SETDB2: variants seen among roughly 807,000 people sequenced by gnomAD.
The protein encoded by SETDB2 is SET domain bifurcated histone lysine methyltransferase 2.
SETDB2 carries 56 observed loss-of-function variants against 82.5 expected under a neutral mutation model. The ratio of observed to expected loss-of-function variants is 0.68; its 90% CI spans 0.55 to 0.85. SETDB2 has a LOEUF of 0.85. Ranked by LOEUF, SETDB2 falls within the 40% of genes least tolerant of loss-of-function variation. The pLI is 0.00. For missense variants in SETDB2, 677 were observed against 816.4 expected (o/e 0.83, Z 2.08); for synonymous variants, 272 against 284.9 (o/e 0.95, Z 0.46).
At chr13:49,449,595 A>G (rs868283983) in intron 1 of SETDB2, among the ~76,000 whole-genome samples, 6 of 151,974 alleles carry the variant, frequency 3.9e-5, no homozygotes, top group Admixed American at 2.6e-4. Context: ...TTAACTTTAC[A>G]TTTCACAGTT....
intron 8 of SETDB2, chr13:49,482,185 A>G (rs936980409): frequency 2.0e-6 from 2 of 985,344 alleles, no homozygotes; most frequent in Non-Finnish European, 2.4e-6. Context: ...TATGTCTCCG[A>G]TCTAACAATG....
At chr13:49,451,209 A>G (rs1318566656) in intron 1 of SETDB2, among the ~76,000 whole-genome samples, 1 of 151,120 alleles carries the variant, frequency 6.6e-6, no homozygotes, top group Non-Finnish European at 1.5e-5. Context: ...GGCACATTAT[A>G]TGTAATTAAG....
At chr13:49,458,157 C>T (rs7991226) in intron 2 of SETDB2, among the ~76,000 whole-genome samples, 79,320 of 152,018 alleles carry the variant, frequency 0.52, 20,823 homozygotes, top group Middle Eastern at 0.57. Flanking sequence ...TCCTTTTGTT[C>T]ACTGCAGCCT....
Position 49,481,057 on chromosome 13 carries a change from G to A in SETDB2, c.1097G>A (p.Gly366Glu). 1 of 1,614,180 alleles carries A rather than the reference G, an allele frequency of 6.2e-7. No individual in the cohort carries two copies. The highest frequency in any genetic ancestry group is 1.1e-5 in the South Asian group (1 of 91,084). ...CAGGTGTTCAAAACTGAGCAGAAGG[G>A]ATGGGGTGTACGCTGTCTAGATGAC... ...RLQVFKTEQK[G>E]WGVRCLDDID... Residue 366 changes from glycine (G) to glutamate (E), a missense_variant, in exon 8 of 14, where the codon GGA (glycine) becomes GAA (glutamate). By Grantham distance (98) the Gly-to-Glu change is moderately conservative. This residue lies in a region of SETDB2 where 420 missense variants were observed against 554.6 expected (regional missense o/e 0.76). Coordinates refer to ENST00000611815, the MANE Select transcript of SETDB2 (RefSeq NM_001160308.3).
At chr13:49,491,262 G>A (rs1265415472) in intron 13 of SETDB2, among the ~76,000 whole-genome samples, 1 of 152,194 alleles carries the variant, frequency 6.6e-6, no homozygotes, top group Non-Finnish European at 1.5e-5. Flanking sequence ...ATCTGGTACT[G>A]TAGAATATTC....
At chr13:49,486,568 T>C (rs77314781) in intron 11 of SETDB2, among the ~76,000 whole-genome samples, 1,698 of 152,320 alleles carry the variant, frequency 0.011, 11 homozygotes, top group Middle Eastern at 0.034. Context: ...GTCCGTGGCT[T>C]TGGAACCATT....
chr13:49,463,150 C>T (rs769775905), intron 4 of SETDB2, among the ~76,000 whole-genome samples: 4 of 148,364 alleles, frequency 2.7e-5, no homozygotes, highest in African/African-American at 5.0e-5. Flanking sequence ...GGACTACGGG[C>T]GCATGCCGCC....
At chr13:49,465,718 G>T (rs568399639) in intron 4 of SETDB2, among the ~76,000 whole-genome samples, 1 of 152,094 alleles carries the variant, frequency 6.6e-6, no homozygotes, top group African/African-American at 2.4e-5. Flanking sequence ...TGTGTTTTTA[G>T]TGGAGACAGG....
intron 13 of SETDB2, among the ~76,000 whole-genome samples, chr13:49,491,326 C>T (rs1958707934): frequency 6.6e-6 from 1 of 152,176 alleles, no homozygotes; most frequent in Admixed American, 6.5e-5. Context: ...GAAATTTTGA[C>T]TCTTATTCCC....
At chr13:49,468,371 T>G (rs991696179) in intron 5 of SETDB2, among the ~76,000 whole-genome samples, 1 of 152,094 alleles carries the variant, frequency 6.6e-6, no homozygotes, top group Non-Finnish European at 1.5e-5. Flanking sequence ...TTTATGGGAA[T>G]AGACTAAATT....
chr13:49,451,102 A>G (rs1285652140), intron 1 of SETDB2, among the ~76,000 whole-genome samples: 1 of 151,456 alleles, frequency 6.6e-6, no homozygotes, highest in Non-Finnish European at 1.5e-5. Context: ...AAAGATTATA[A>G]AAAATTAAAT....
intron 1 of SETDB2, among the ~76,000 whole-genome samples, chr13:49,450,046 G>C (rs936356156): frequency 1.3e-5 from 2 of 152,132 alleles, no homozygotes; most frequent in Non-Finnish European, 2.9e-5. Context: ...TTTCTGATGA[G>C]AAATCTCATT....
In SETDB2 at chr13:49,476,648, C is replaced by T; in HGVS notation, c.478C>T (p.His160Tyr). 2 of 1,614,170 alleles carry T rather than the reference C, an allele frequency of 1.2e-6. No individual in the cohort carries two copies. Among genetic ancestry groups the T allele is most frequent in the Non-Finnish European group, 1.7e-6 (2 of 1,180,034 alleles). ...ENPLQLPIKCHFQRRHAKTNS... is the reference protein window; with the variant it reads ...ENPLQLPIKCYFQRRHAKTNS... Reference sequence around the variant, plus strand: ...CCCTCTGCAGCTGCCAATCAAATGTCACTTCCAAAGACGACATGCAAAGAC... The same window carrying T: ...CCCTCTGCAGCTGCCAATCAAATGTTACTTCCAAAGACGACATGCAAAGAC... Residue 160 changes from histidine to tyrosine, a missense_variant, in exon 6 of 14, where the codon CAC becomes TAC. Coordinates refer to ENST00000611815, the MANE Select transcript of SETDB2 (RefSeq NM_001160308.3).
At chr13:49,460,329 T>A in intron 3 of SETDB2, 97 bp downstream of exon 3, 1 of 1,241,750 alleles carries the variant, frequency 8.1e-7, no homozygotes, top group Non-Finnish European at 1.1e-6. Context: ...TTTGTAAAAG[T>A]AGATGGATGT....
chr13:49,451,651 A>G lies in SETDB2; in HGVS notation c.-243A>G, dbSNP rs1159195501. 3 of 348,698 alleles carry G rather than the reference A, an allele frequency of 8.6e-6. No homozygotes were observed. The highest frequency in any genetic ancestry group is 1.6e-5 in the Non-Finnish European group (3 of 191,494). The allele number at this position is 348,698 out of a possible 1,614,324, so 21.6% of individuals were successfully genotyped here. A position where few individuals can be genotyped will look rare whatever the true frequency, so the allele number is the denominator to read the frequency against. On this transcript the variant is annotated 5_prime_UTR_variant, in exon 2 of 14. Coordinates refer to ENST00000611815, the MANE Select transcript of SETDB2 (RefSeq NM_001160308.3). ...TACCACTACAAATATTTACGTGAGA[A>G]GATTCATGGACTTGTCTTTTGGTTG...
At chr13:49,471,525 G>C (rs1331390588) in intron 5 of SETDB2, among the ~76,000 whole-genome samples, 1 of 150,966 alleles carries the variant, frequency 6.6e-6, no homozygotes, top group African/African-American at 2.4e-5. Flanking sequence ...TACGAGGTGT[G>C]CAGCTTTGGT....
intron 2 of SETDB2, among the ~76,000 whole-genome samples, chr13:49,453,453 C>T (rs772854439): frequency 1.3e-5 from 2 of 151,896 alleles, no homozygotes; most frequent in South Asian, 2.1e-4. Flanking sequence ...TGTGCCGCCA[C>T]GCCCAGCTAA....
Position 49,476,748 on chromosome 13 carries a change from T to G in SETDB2, c.578T>G (p.Val193Gly). Residue 193 changes from valine (V) to glycine (G), a missense_variant, in exon 6 of 14, where the codon GTT becomes GGT. Val to Gly is a moderately radical substitution (Grantham distance 109). Coordinates refer to ENST00000611815, the MANE Select transcript of SETDB2 (RefSeq NM_001160308.3). ...CGRSLRNVEE[V>G]FRYLLETECN... ...AGGAGTCTACGAAACGTGGAGGAAG[T>G]TTTTCGTTACCTGCTTGAGACAGAG... The G allele has an allele frequency of 6.2e-7, 1 of 1,614,136 alleles. No homozygotes were observed. The highest frequency in any genetic ancestry group is 8.5e-7 in the Non-Finnish European group (1 of 1,180,004).
intron 5 of SETDB2, among the ~76,000 whole-genome samples, chr13:49,471,128 C>T (rs1230722845): frequency 7.0e-6 from 1 of 143,478 alleles, no homozygotes; most frequent in Non-Finnish European, 1.5e-5. Flanking sequence ...TACCACCACA[C>T]CTGGCTAATT....
Sources: allele counts gnomAD v4.1 joint callset (sites outside exome capture counted in the v4.1 genomes callset), GRCh38; gene constraint gnomAD v4.1.1; regional missense constraint gnomAD v4.1.1; transcripts MANE v1.5; gene names NCBI Gene and HGNC (gene_info 2026-07-23, HGNC 2026-07-21).